The following HDAC9 variants were observed in gnomAD, a reference collection of about 807,000 sequenced individuals.
HDAC9 encodes the protein MEF-2 interacting transcription repressor (MITR) protein.
A neutral mutation model predicts 139.4 loss-of-function variants in HDAC9; 41 were observed. The ratio of observed to expected loss-of-function variants is 0.29; its 90% CI spans 0.23 to 0.38. HDAC9 has a LOEUF of 0.38. Ranked by LOEUF, HDAC9 falls within the 10% of genes least tolerant of loss-of-function variation. HDAC9 has a pLI of 1.00. For missense variants in HDAC9, 1,147 were observed against 1,297.0 expected (o/e 0.88, Z 1.78); for synonymous variants, 517 against 476.2 (o/e 1.09, Z -1.12).
chr7:18,252,668 A>T (rs1331607777), intron 2 of HDAC9, among the ~76,000 whole-genome samples: 3 of 152,132 alleles, frequency 2.0e-5, no homozygotes, highest in African/African-American at 7.2e-5. Context: ...CACTTAGCTA[A>T]TTGTGAAAGC....
intron 2 of HDAC9, among the ~76,000 whole-genome samples, chr7:18,532,694 A>G (rs956787398): frequency 6.6e-6 from 1 of 152,170 alleles, no homozygotes; most frequent in African/African-American, 2.4e-5. Context: ...AATCAAAGTA[A>G]GTCATGCATT....
At chr7:18,193,007 A>G (rs1291351019) in intron 2 of HDAC9, among the ~76,000 whole-genome samples, 1 of 152,182 alleles carries the variant, frequency 6.6e-6, no homozygotes, top group East Asian at 1.9e-4. Flanking sequence ...CTTATCTGTC[A>G]TCAGGGGTCT....
intron 1 of HDAC9, among the ~76,000 whole-genome samples, chr7:18,365,981 A>G (rs1191959145): frequency 6.7e-6 from 1 of 148,900 alleles, no homozygotes; most frequent in South Asian, 2.1e-4. Context: ...TTTCTTCTCT[A>G]TTAAAAATTG....
intron 1 of HDAC9, among the ~76,000 whole-genome samples, chr7:18,394,201 C>G (rs2128726576): frequency 6.6e-6 from 1 of 152,178 alleles, no homozygotes; most frequent in Non-Finnish European, 1.5e-5. Flanking sequence ...TACAATTATA[C>G]CTTGTTTGTT....
At chr7:18,106,414 A>G (rs1783205892) in intron 1 of HDAC9, among the ~76,000 whole-genome samples, 1 of 151,766 alleles carries the variant, frequency 6.6e-6, no homozygotes, top group African/African-American at 2.4e-5. Flanking sequence ...AACTCTTCCA[A>G]GAGTTCCATG....
intron 2 of HDAC9, among the ~76,000 whole-genome samples, chr7:18,217,682 AT>A (rs770034748): frequency 1.7e-4 from 26 of 152,320 alleles, no homozygotes; most frequent in Non-Finnish European, 3.5e-4. Context: ...CTGTATTAGG[AT>A]TGCATTGACA....
chr7:18,087,419 G>T (rs1781868781), intron 1 of HDAC9, among the ~76,000 whole-genome samples: 1 of 152,198 alleles, frequency 6.6e-6, no homozygotes, highest in Non-Finnish European at 1.5e-5. Context: ...CAGAAGTTGG[G>T]TGCTAGGTCA....
intron 2 of HDAC9, among the ~76,000 whole-genome samples, chr7:18,197,274 A>G (rs1790792570): frequency 6.6e-6 from 1 of 152,322 alleles, no homozygotes; most frequent in African/African-American, 2.4e-5. Flanking sequence ...AACCCTGACT[A>G]ATACGCGTAG....
In HDAC9 at chr7:18,687,619, A is replaced by G. The variant is rs190176442; in HGVS notation, c.1731+21143A>G. On this transcript the variant is annotated intron_variant, in intron 12 of 25. Transcript: ENST00000686413. ...CAATATTCAGGTATCTTTGATATTC[A>G]CTATGGAATAAATTATTTCAACATA... 1.0e-2 allele frequency among the ~76,000 whole-genome samples: 1,515 copies of G among 151,932 alleles called. 23 individuals are homozygous for G. Among genetic ancestry groups the G allele is most frequent in the African/African-American group, 0.035 (1,443 of 41,514 alleles).
chr7:18,645,075 C>T (rs1786950469), intron 9 of HDAC9, among the ~76,000 whole-genome samples: 1 of 152,046 alleles, frequency 6.6e-6, no homozygotes, highest in Non-Finnish European at 1.5e-5. Flanking sequence ...ATTTTAATAG[C>T]TCCACACAGC....
intron 2 of HDAC9, among the ~76,000 whole-genome samples, chr7:18,163,533 C>T (rs1000857358): frequency 3.3e-5 from 5 of 152,080 alleles, no homozygotes; most frequent in Non-Finnish European, 7.4e-5. Flanking sequence ...TTTACAAGTT[C>T]CCTTGACAAT....
At chr7:18,109,402 G>A (rs530168643) in intron 1 of HDAC9, among the ~76,000 whole-genome samples, 54 of 152,282 alleles carry the variant, frequency 3.5e-4, no homozygotes, top group African/African-American at 1.1e-3. Flanking sequence ...TGTCAGTGTA[G>A]TTTCTGATGA....
intron 6 of HDAC9, 64 bp from the exon 7 acceptor site, chr7:18,629,286 T>A: frequency 7.2e-7 from 1 of 1,393,546 alleles, no homozygotes; most frequent in Non-Finnish European, 9.6e-7. Context: ...TTTTAACACA[T>A]GAGCAATTGG....
intron 12 of HDAC9, among the ~76,000 whole-genome samples, chr7:18,725,214 T>C (rs1013656892): frequency 6.6e-6 from 1 of 152,118 alleles, no homozygotes; most frequent in African/African-American, 2.4e-5. Flanking sequence ...ATCATATGAA[T>C]ATATAATAAT....
At position 19,000,331 on chromosome 7, in the gene HDAC9, T is replaced by C. The variant is rs1585535703; in HGVS notation, c.*4269T>C. The C allele has an allele frequency of 1.3e-5, 2 of 152,214 alleles. No individual in the cohort carries two copies. The highest frequency in any genetic ancestry group is 3.8e-4 in the East Asian group (2 of 5,202). The allele number at this position is 152,214 out of a possible 1,614,324, so 9.4% of individuals were successfully genotyped here. On this transcript the variant is annotated 3_prime_UTR_variant, in exon 26 of 26. Coordinates refer to ENST00000686413, the MANE Select transcript of HDAC9 (RefSeq NM_178425.4). ...TATGTAAGTTCCTATATGTGACTTT[T>C]TCTGGGCATATTTGCATCAAAAATC...
At chr7:18,529,263 C>T (rs920118017) in intron 2 of HDAC9, among the ~76,000 whole-genome samples, 1 of 152,154 alleles carries the variant, frequency 6.6e-6, no homozygotes, top group Non-Finnish European at 1.5e-5. Context: ...TCTCCTTCCC[C>T]CTTCTTTTCC....
intron 6 of HDAC9, among the ~76,000 whole-genome samples, chr7:18,622,130 A>T (rs2128946849): frequency 6.6e-6 from 1 of 152,262 alleles, no homozygotes; most frequent in East Asian, 1.9e-4. Context: ...TAGCAGGAGA[A>T]ACCCAGGGGA....
chr7:18,930,125 G>A (rs534403700), intron 22 of HDAC9, among the ~76,000 whole-genome samples: 1 of 152,154 alleles, frequency 6.6e-6, no homozygotes, highest in South Asian at 2.1e-4. Context: ...CCTCAGCTCT[G>A]CACTCAATTA....
rs576146860 is a variant in HDAC9 at position 18,910,707 on chromosome 7, A to G, written c.2804-25102A>G. On this transcript the variant is annotated intron_variant, in intron 22 of 25. Transcript: ENST00000686413. The stretch of plus-strand genomic sequence containing the variant: ...AAATGCTCTTTCTGTGTCTATTGTG[A>G]TGATCGTATGGCTTTCATCTTTTAT... Among the ~76,000 whole-genome samples, 3 of 152,090 alleles carry G rather than the reference A, an allele frequency of 2.0e-5. No individual in the cohort carries two copies. In the South Asian group the frequency reaches 6.2e-4, roughly 32 times the overall value.
Sources: allele counts gnomAD v4.1 joint callset (sites outside exome capture counted in the v4.1 genomes callset), GRCh38; gene constraint gnomAD v4.1.1; transcripts MANE v1.5; gene names NCBI Gene and HGNC (gene_info 2026-07-23, HGNC 2026-07-21).